The following ESPNL variants were observed in gnomAD, a reference collection of about 807,000 sequenced individuals.
ESPNL encodes espin like, also known as espin-like protein.
Under a neutral mutation model 46.8 loss-of-function variants are expected in ESPNL, and 49 were observed. The observed-to-expected ratio is 1.05, with a 90% confidence interval of 0.83 to 1.33. The LOEUF (loss-of-function observed/expected upper bound fraction) is 1.33. ESPNL is among the 40% of genes most tolerant of loss of function. The pLI, the probability that ESPNL is intolerant of heterozygous loss-of-function variation, is 0.00. For missense variants in ESPNL, 1,540 were observed against 1,436.6 expected, an observed-to-expected ratio of 1.07 and a Z score of -1.16; for synonymous variants, 664 against 662.1, an observed-to-expected ratio of 1.00 and a Z score of -0.04.
At chr2:238,105,058 G>A (rs1691566358) in intron 3 of ESPNL, among the ~76,000 whole-genome samples, 1 of 152,122 alleles carries the variant, frequency 6.6e-6, no homozygotes, top group African/African-American at 2.4e-5. Context: ...CTGCTCTGTG[G>A]GGTCGTGCCA....
intron 2 of ESPNL, among the ~76,000 whole-genome samples, chr2:238,103,266 A>T (rs956219188): frequency 2.0e-5 from 3 of 152,250 alleles, no homozygotes; most frequent in Non-Finnish European, 2.9e-5. Context: ...TCTACAAAAA[A>T]ATTTATTTAA....
At position 238,124,600 on chromosome 2, in the gene ESPNL, C is replaced by T. The variant is rs114615424; in HGVS notation, c.988-670C>T. 2.6e-3 allele frequency among the ~76,000 whole-genome samples: 379 copies of T among 148,114 alleles called. 3 individuals are homozygous for T. The highest frequency in any genetic ancestry group is 9.0e-3 in the African/African-American group (360 of 40,012). On this transcript the variant is annotated intron_variant, in intron 5 of 8. Coordinates refer to ENST00000343063, the MANE Select transcript of ESPNL (RefSeq NM_194312.4). Reference sequence around the variant, plus strand: ...GTGTGTGTGTGTGCAGGAGAGTGTACGTGTGTGTGCAGGAGGGTACATGCG... The same window carrying T: ...GTGTGTGTGTGTGCAGGAGAGTGTATGTGTGTGTGCAGGAGGGTACATGCG...
At chr2:238,105,989 C>T (rs921766342) in intron 3 of ESPNL, among the ~76,000 whole-genome samples, 3 of 152,130 alleles carry the variant, frequency 2.0e-5, no homozygotes, top group African/African-American at 7.2e-5. Context: ...TCCCCAGCTG[C>T]CCCTGGGGCC....
chr2:238,124,788 CG>C (rs1559265896), intron 5 of ESPNL, among the ~76,000 whole-genome samples: 1 of 136,132 alleles, frequency 7.3e-6, no homozygotes, highest in Non-Finnish European at 1.6e-5. Flanking sequence ...CAGGAGAGTA[CG>C]TGCGTGTGTG....
intron 5 of ESPNL, among the ~76,000 whole-genome samples, chr2:238,122,531 C>G (rs550165939): frequency 5.3e-5 from 8 of 152,318 alleles, no homozygotes; most frequent in Middle Eastern, 3.4e-3. Flanking sequence ...AGTAAGGTCC[C>G]CCAGGCCACA....
chr2:238,118,792 G>GA (rs1691896283), intron 5 of ESPNL, among the ~76,000 whole-genome samples: 1 of 103,132 alleles, frequency 9.7e-6, no homozygotes, highest in Admixed American at 8.6e-5. Flanking sequence ...GATGGAGGAG[G>GA]GTGGATGGAG....
chr2:238,126,726 G>T (rs955405032), intron 6 of ESPNL, among the ~76,000 whole-genome samples: 1 of 151,096 alleles, frequency 6.6e-6, no homozygotes, highest in East Asian at 2.0e-4. Flanking sequence ...GTGTCTCTGC[G>T]TATGATTGTG....
chr2:238,121,887 T>C (rs1391894347), intron 5 of ESPNL, among the ~76,000 whole-genome samples: 1 of 152,166 alleles, frequency 6.6e-6, no homozygotes, highest in Non-Finnish European at 1.5e-5. Flanking sequence ...CTCCTCCCGC[T>C]GGGAAGGGTG....
intron 5 of ESPNL, among the ~76,000 whole-genome samples, chr2:238,122,999 C>T (rs1461293013): frequency 6.6e-6 from 1 of 152,238 alleles, no homozygotes; most frequent in East Asian, 1.9e-4. Context: ...GACGGAGGAC[C>T]TTCCTTCAGC....
chr2:238,103,769 G>C (rs1228695522), intron 2 of ESPNL, among the ~76,000 whole-genome samples: 3 of 152,242 alleles, frequency 2.0e-5, no homozygotes, highest in African/African-American at 7.2e-5. Context: ...TTCCATGAGG[G>C]AGTGGACCCT....
At chr2:238,102,191 C>T in intron 2 of ESPNL, 60 bp downstream of exon 2, 1 of 1,417,200 alleles carries the variant, frequency 7.1e-7, no homozygotes, top group Non-Finnish European at 9.4e-7. Context: ...CAAGGGGAGG[C>T]TGCACCATGG....
chr2:238,129,167 C>T, intron 8 of ESPNL: 1 of 1,389,254 alleles, frequency 7.2e-7, no homozygotes, highest in Non-Finnish European at 9.3e-7. Flanking sequence ...CCTGCCTGTG[C>T]CAAGCGTTGT....
chr2:238,131,438 G>A lies in ESPNL; in HGVS notation c.2724G>A (p.Val908=), dbSNP rs374400510. 1.2e-6 allele frequency: 2 copies of A among 1,609,000 alleles called. No individual in the cohort carries two copies. Among genetic ancestry groups the A allele is most frequent in the Non-Finnish European group, 1.7e-6 (2 of 1,178,132 alleles). ...TCCACAAGGCCGTGACCGACGAGGT[G>A]GCCGCCGGCCGCCGGGCCTGGACCG... ...RAFHKAVTDE[V]AAGRRAWTDG... Residue 908 remains valine (V), a synonymous_variant, in exon 9 of 9, where the codon GTG becomes GTA. Transcript: ENST00000343063.
intron 3 of ESPNL, among the ~76,000 whole-genome samples, chr2:238,106,757 C>A (rs1357592509): frequency 2.6e-5 from 4 of 152,208 alleles, no homozygotes; most frequent in African/African-American, 9.6e-5. Flanking sequence ...CACTGAACCC[C>A]TAGGACTGTG....
Position 238,116,972 on chromosome 2 carries a change from G to T in ESPNL, c.925G>T (p.Asp309Tyr). ...LRDEDGYTAADLAEYHGHRDC... is the reference protein window; with the variant it reads ...LRDEDGYTAAYLAEYHGHRDC... ...GGATGAAGATGGTTACACGGCGGCA[G>T]ACCTGGCGGAGTACCATGGACACCG... The change falls in exon 5 of 9, where the codon GAC (aspartate) becomes TAC (tyrosine). Residue 309 changes from aspartate (D) to tyrosine (Y), a missense_variant. Physicochemically the swap from Asp to Tyr is radical, Grantham distance 160 (BLOSUM62 -3). Coordinates refer to ENST00000343063, the MANE Select transcript of ESPNL (RefSeq NM_194312.4). 1 of 1,612,600 alleles carries T rather than the reference G, an allele frequency of 6.2e-7. No homozygotes were observed. Among genetic ancestry groups the T allele is most frequent in the Non-Finnish European group, 8.5e-7 (1 of 1,179,798 alleles).
chr2:238,107,391 GCC>G (rs1197769921), intron 3 of ESPNL, among the ~76,000 whole-genome samples: 1 of 152,190 alleles, frequency 6.6e-6, no homozygotes, highest in Non-Finnish European at 1.5e-5. Context: ...CAGTGCAAAT[GCC>G]CAACGAGGCA....
intron 2 of ESPNL, among the ~76,000 whole-genome samples, chr2:238,103,603 C>G (rs1293713431): frequency 6.6e-6 from 1 of 152,208 alleles, no homozygotes; most frequent in African/African-American, 2.4e-5. Context: ...TTGCCCCCGA[C>G]CCACTGGCTG....
intron 3 of ESPNL, among the ~76,000 whole-genome samples, chr2:238,106,706 A>G (rs1691606487): frequency 6.6e-6 from 1 of 152,128 alleles, no homozygotes; most frequent in Admixed American, 6.5e-5. Flanking sequence ...GAGCAGCAGC[A>G]GCTCACCACA....
At chr2:238,121,258 G>A (rs1691982227) in intron 5 of ESPNL, among the ~76,000 whole-genome samples, 1 of 152,232 alleles carries the variant, frequency 6.6e-6, no homozygotes, top group African/African-American at 2.4e-5. Context: ...TGTCTGGGCA[G>A]GAATGGTGAA....
Sources: gnomAD v4.1 joint callset for allele counts (sites outside exome capture counted in the v4.1 genomes callset) on GRCh38, gnomAD v4.1.1 for gene constraint, MANE v1.5 for transcripts, NCBI Gene and HGNC (gene_info 2026-07-23, HGNC 2026-07-21) for gene names.